KIFC2: variants seen among roughly 807,000 people sequenced by gnomAD.
KIFC2 encodes the protein kinesin family member C2.
A neutral mutation model predicts 91.5 loss-of-function variants in KIFC2; 94 were observed. The observed-to-expected ratio is 1.03, with a 90% CI of 0.87 to 1.22. The LOEUF is 1.22. Among genes scored for constraint, KIFC2 ranks in the 50% most tolerant of loss-of-function variants. The probability of loss-of-function intolerance (pLI) is 0.00; values close to 1 mark genes in which losing one functional copy is unlikely to be tolerated. For synonymous variants in KIFC2, 729 were observed against 503.9 expected, an observed-to-expected ratio of 1.45 and a Z score of -5.98; for missense variants, 1,357 against 1,103.3, an observed-to-expected ratio of 1.23 and a Z score of -3.26.
intron 10 of KIFC2, among the ~76,000 whole-genome samples, 173 bp downstream of exon 10, chr8:144,469,007 C>T (rs1824813936): frequency 6.6e-6 from 1 of 152,306 alleles, no homozygotes; most frequent in African/African-American, 2.4e-5. Context: ...TAATTCTATG[C>T]ATACTTGGTT....
Position 144,474,115 on chromosome 8 carries a change from C to G in KIFC2, c.*726C>G. The G allele has an allele frequency of 1.3e-6, 1 of 767,308 alleles. No individual in the cohort carries two copies. Among genetic ancestry groups the G allele is most frequent in the Non-Finnish European group, 2.1e-6 (1 of 486,288 alleles). 47.5% of individuals were successfully genotyped at this position (767,308 alleles called of 1,614,324 possible). ...TGGCCCAATAAACACCGTGGACTCCCAGCAAGGCTGCTGCCTGGTGTTTCG... is the reference window on the plus strand; with the variant it reads ...TGGCCCAATAAACACCGTGGACTCCGAGCAAGGCTGCTGCCTGGTGTTTCG... On this transcript the variant is annotated 3_prime_UTR_variant, in exon 18 of 18. Coordinates refer to ENST00000645548, the MANE Select transcript of KIFC2 (RefSeq NM_001369769.2).
At position 144,473,412 on chromosome 8, in the gene KIFC2, T is replaced by C; in HGVS notation, c.*23T>C. ...TAGTCCTGGGTCGCGGCCCTGCCCA[T>C]GGGGTCTCAGGCCAGGTCTCTGCTG... is the stretch of plus-strand genomic sequence containing the variant. On this transcript the variant is annotated 3_prime_UTR_variant, in exon 18 of 18. Coordinates refer to ENST00000645548, the MANE Select transcript of KIFC2 (RefSeq NM_001369769.2). The C allele has an allele frequency of 1.3e-6, 2 of 1,568,184 alleles. No homozygotes were observed. The highest frequency in any genetic ancestry group is 8.6e-7 in the Non-Finnish European group (1 of 1,163,180).
At chr8:144,466,684 C>T in intron 1 of KIFC2, 76 bp from the exon 2 acceptor site, 1 of 1,276,196 alleles carries the variant, frequency 7.8e-7, no homozygotes. Flanking sequence ...CCCAATCCTC[C>T]GGCCCGGTTC....
At position 144,472,964 on chromosome 8, in the gene KIFC2, G is replaced by A. The variant is rs1824993879; in HGVS notation, c.2031G>A (p.Arg677=). 5.5e-6 allele frequency: 8 copies of A among 1,462,338 alleles called. No homozygotes were observed. The highest frequency in any genetic ancestry group is 1.5e-5 in the African/African-American group (1 of 67,802). 90.6% of individuals were successfully genotyped at this position (1,462,338 alleles called of 1,614,324 possible). ...GGVMAALRAH[R]PHVPFRDSQL... ...TGATGGCCGCACTGCGGGCCCACCGGCCGCACGTGCCCTTCCGCGACTCGC... is the reference window on the plus strand; with the variant it reads ...TGATGGCCGCACTGCGGGCCCACCGACCGCACGTGCCCTTCCGCGACTCGC... Residue 677 remains arginine, a synonymous_variant, in exon 17 of 18, where the codon CGG becomes CGA. Coordinates refer to ENST00000645548, the MANE Select transcript of KIFC2 (RefSeq NM_001369769.2).
intron 3 of KIFC2, 32 bp downstream of exon 3, chr8:144,467,142 A>C (rs1456532128): frequency 6.2e-7 from 1 of 1,611,032 alleles, no homozygotes; most frequent in East Asian, 2.2e-5. Context: ...GCTGGCAGGT[A>C]CCACCTGCCC....
At position 144,467,772 on chromosome 8, in the gene KIFC2, T is replaced by C; in HGVS notation, c.674T>C (p.Leu225Pro). Reference sequence around the variant, plus strand: ...GAGGAGGAGTTGGGTCGACTGCGCCTGGGCGTGGTGAGGCTGCAGGGAGAC... The same window carrying C: ...GAGGAGGAGTTGGGTCGACTGCGCCCGGGCGTGGTGAGGCTGCAGGGAGAC... ...QQEEELGRLR[L>P]GVGATDSEKR... is the part of the protein sequence containing the mutation. Residue 225 changes from leucine to proline, a missense_variant, in exon 6 of 18, where the codon CTG (leucine) becomes CCG (proline). Leu to Pro is a moderately conservative substitution (Grantham distance 98, BLOSUM62 -3). Coordinates refer to ENST00000645548, the MANE Select transcript of KIFC2 (RefSeq NM_001369769.2). The C allele has an allele frequency of 6.2e-7, 1 of 1,613,750 alleles. No homozygotes were observed. Among genetic ancestry groups the C allele is most frequent in the Non-Finnish European group, 8.5e-7 (1 of 1,179,974 alleles).
At position 144,466,772 on chromosome 8, in the gene KIFC2, C is replaced by G. The variant is rs1429789741; in HGVS notation, c.112C>G (p.Pro38Ala). 8 of 1,532,380 alleles carry G rather than the reference C, an allele frequency of 5.2e-6. No individual in the cohort carries two copies. Among genetic ancestry groups the G allele is most frequent in the Non-Finnish European group, 7.0e-6 (8 of 1,146,468 alleles). 94.9% of individuals were successfully genotyped at this position (1,532,380 alleles called of 1,614,324 possible). A position where few individuals can be genotyped will look rare whatever the true frequency, so the allele number is the denominator to read the frequency against. Residue 38 changes from proline (P) to alanine (A), a missense_variant, in exon 2 of 18, where the codon CCC becomes GCC. Pro to Ala is a conservative substitution (Grantham distance 27, BLOSUM62 -1). Transcript: ENST00000645548. ...PGDPAQRARKPRGRRRPDLPA... is the reference protein window; with the variant it reads ...PGDPAQRARKARGRRRPDLPA... The stretch of plus-strand genomic sequence containing the variant: ...GCCCCCTCCCTAGAGAGCCCGCAAG[C>G]CCCGGGGTCGCCGGCGCCCAGACCT...
chr8:144,467,284 C>T lies in KIFC2; in HGVS notation c.412C>T (p.Gln138Ter). 1 of 1,613,274 alleles carries T rather than the reference C, an allele frequency of 6.2e-7. No individual in the cohort carries two copies. The change falls in exon 4 of 18, where the codon CAG becomes TAG. Residue 138 changes from glutamine (Q) to a stop codon, truncating the protein, a stop_gained. Coordinates refer to ENST00000645548, the MANE Select transcript of KIFC2 (RefSeq NM_001369769.2). LOFTEE classifies it high-confidence loss of function. ...ATGGCTTCGAAGCCCCAGGGGGAGG[C>T]AGGCCCTGCTCCAGGGGACTCAGCC... ...LAWLRSPRGRQALLQGTQPAP... is the reference protein window; with the variant it reads ...LAWLRSPRGR
intron 1 of KIFC2, 47 bp from the exon 2 acceptor site, chr8:144,466,713 C>T: frequency 1.4e-6 from 2 of 1,428,070 alleles, no homozygotes; most frequent in Non-Finnish European, 1.9e-6. Flanking sequence ...AAGGGGCCAG[C>T]AGGCTGCCTG....
In KIFC2 at chr8:144,469,339, G is replaced by T; in HGVS notation, c.1182G>T (p.Gly394=). 1.2e-6 allele frequency: 2 copies of T among 1,608,474 alleles called. No individual in the cohort carries two copies. The highest frequency in any genetic ancestry group is 1.7e-6 in the Non-Finnish European group (2 of 1,178,618). Residue 394 remains glycine (G), a synonymous_variant, in exon 11 of 18, where the codon GGG becomes GGT. Transcript: ENST00000645548. ...PGTQLPEGQQ[G]PPAGCPGRLP... ...CTCAGCTCCCTGAGGGGCAGCAAGG[G>T]CCCCCAGCCGGATGCCCAGGGCGGC...
chr8:144,472,347 C>G lies in KIFC2; in HGVS notation c.1608-14C>G. On this transcript the variant is annotated splice_polypyrimidine_tract_variant and intron_variant, in intron 14 of 17. Transcript: ENST00000645548. ...AGAGAATTCTGGAACCAAGACCTTC[C>G]CCTTTCTCACCAGGGACCTCCTTGC... 1 of 1,613,516 alleles carries G rather than the reference C, an allele frequency of 6.2e-7. No individual in the cohort carries two copies. Among genetic ancestry groups the G allele is most frequent in the African/African-American group, 1.3e-5 (1 of 75,034 alleles).
At chr8:144,470,972 C>A (rs1207915262) in intron 12 of KIFC2, among the ~76,000 whole-genome samples, 3 of 149,098 alleles carry the variant, frequency 2.0e-5, no homozygotes. Flanking sequence ...TTTTTTTTTT[C>A]TTTATTTTTG....
intron 12 of KIFC2, among the ~76,000 whole-genome samples, chr8:144,470,078 C>T (rs1264312553): frequency 6.6e-6 from 1 of 152,212 alleles, no homozygotes; most frequent in African/African-American, 2.4e-5. Flanking sequence ...CAGCCCACCC[C>T]ACTTTCACAC....
chr8:144,473,057 C>T lies in KIFC2; in HGVS notation c.2118+6C>T, dbSNP rs1407008607. On this transcript the variant is annotated splice_donor_region_variant and intron_variant, in intron 17 of 17. Coordinates refer to ENST00000645548, the MANE Select transcript of KIFC2 (RefSeq NM_001369769.2). The stretch of plus-strand genomic sequence containing the variant: ...CCGCGGTGCTGCTGCTGCAGGTGGG[C>T]GCCGGGGCGGGGCAGGTGTGTGCGT... The T allele has an allele frequency of 2.8e-6, 4 of 1,426,964 alleles. No individual in the cohort carries two copies. The South Asian group carries it at 4.5e-5, about 16-fold the overall frequency. 88.4% of individuals were successfully genotyped at this position (1,426,964 alleles called of 1,614,324 possible). A position where few individuals can be genotyped will look rare whatever the true frequency, so the allele number is the denominator to read the frequency against.
In KIFC2 at chr8:144,469,494, T is replaced by C. The variant is rs777245430; in HGVS notation, c.1227T>C (p.Asn409=). The part of the protein sequence containing the change: ...CPGRLPELKG[N]IRVLCRLRPG... ...CTGACCTGATCCCCACTGCAGGAAATATCCGTGTGCTGTGTCGGCTGAGGC... is the reference window on the plus strand; with the variant it reads ...CTGACCTGATCCCCACTGCAGGAAACATCCGTGTGCTGTGTCGGCTGAGGC... The change falls in exon 12 of 18, where the codon AAT becomes AAC. Residue 409 remains asparagine, a synonymous_variant. Transcript: ENST00000645548. 3.7e-6 allele frequency: 6 copies of C among 1,613,994 alleles called. No homozygotes were observed. The East Asian group carries it at 1.3e-4, about 36-fold the overall frequency.
At chr8:144,468,040 C>T in intron 7 of KIFC2, 53 bp downstream of exon 7, 1 of 1,483,990 alleles carries the variant, frequency 6.7e-7, no homozygotes, top group East Asian at 2.5e-5. Flanking sequence ...TCTTGCACAC[C>T]TGGCATGCAG....
In KIFC2 at chr8:144,469,595, A is replaced by T; in HGVS notation, c.1328A>T (p.His443Leu). Residue 443 changes from histidine (H) to leucine (L), a missense_variant, in exon 12 of 18, where the codon CAT (histidine) becomes CTT (leucine). By Grantham distance (99) the His-to-Leu change is moderately conservative. Transcript: ENST00000645548. The stretch of plus-strand genomic sequence containing the variant: ...GTCACCACCTGCTACCGGGGGCGCC[A>T]TCGTCGATTCCGCCTAGACTGGGTC... ...GTVTTCYRGR[H>L]RRFRLDWVFP... 6.2e-7 allele frequency: 1 copy of T among 1,612,554 alleles called. No homozygotes were observed. The highest frequency in any genetic ancestry group is 8.5e-7 in the Non-Finnish European group (1 of 1,179,554).
intron 13 of KIFC2, 33 bp downstream of exon 13, chr8:144,472,079 C>T: frequency 6.2e-7 from 1 of 1,613,242 alleles, no homozygotes; most frequent in Non-Finnish European, 8.5e-7. Flanking sequence ...GTGGGAGAGG[C>T]CCCAGGGGCC....
rs1285175238 is a variant in KIFC2, at chr8:144,473,485, C to T, written c.*96C>T. 5.6e-6 allele frequency: 8 copies of T among 1,435,020 alleles called. No homozygotes were observed. The African/African-American group carries it at 1.2e-4, about 21-fold the overall frequency. 88.9% of individuals were successfully genotyped at this position (1,435,020 alleles called of 1,614,324 possible). A position where few individuals can be genotyped will look rare whatever the true frequency, so the allele number is the denominator to read the frequency against. Reference sequence around the variant, plus strand: ...TGTACCCCGTCTCCCAGGGCACAAGCTCCCTAGCCTCTTTGGATCCATTGC... The same window carrying T: ...TGTACCCCGTCTCCCAGGGCACAAGTTCCCTAGCCTCTTTGGATCCATTGC... On this transcript the variant is annotated 3_prime_UTR_variant, in exon 18 of 18. Transcript: ENST00000645548.
Sources: allele counts gnomAD v4.1 joint callset (sites outside exome capture counted in the v4.1 genomes callset), GRCh38; gene constraint gnomAD v4.1.1; transcripts MANE v1.5; gene names NCBI Gene and HGNC (gene_info 2026-07-23, HGNC 2026-07-21).